Variants in ZNF385D observed in about 807,000 individuals in gnomAD.
ZNF385D encodes the protein zinc finger protein 385D.
Under a neutral mutation model 35.8 loss-of-function variants are expected in ZNF385D, and 15 were observed. The ratio of observed to expected loss-of-function variants is 0.42; its 90% CI spans 0.28 to 0.64. ZNF385D has a LOEUF of 0.64. Among genes scored for constraint, ZNF385D ranks in the 30% least tolerant of loss-of-function variants. ZNF385D has a pLI of 0.23. For missense variants in ZNF385D, 474 were observed against 494.6 expected (o/e 0.96, Z 0.39); for synonymous variants, 212 against 186.8 (o/e 1.13, Z -1.10).
At chr3:21,727,844 A>G (rs2068831595) in intron 1 of ZNF385D, among the ~76,000 whole-genome samples, 1 of 152,226 alleles carries the variant, frequency 6.6e-6, no homozygotes, top group South Asian at 2.1e-4. Flanking sequence ...AAATCATTCA[A>G]CTATAAAGAC....
At chr3:22,162,014 T>C (rs1484058290) in intron 3 of ZNF385D, among the ~76,000 whole-genome samples, 1 of 152,158 alleles carries the variant, frequency 6.6e-6, no homozygotes, top group Non-Finnish European at 1.5e-5. Context: ...TAAGACTTTG[T>C]AAGACTGTTG....
chr3:21,514,831 G>A (rs1308502531), intron 3 of ZNF385D, among the ~76,000 whole-genome samples: 1 of 151,890 alleles, frequency 6.6e-6, no homozygotes, highest in Non-Finnish European at 1.5e-5. Context: ...TTTGTCTATA[G>A]TTTTTCTTTT....
chr3:22,123,962 C>CTATATATATATATATA (rs71044974), intron 3 of ZNF385D, among the ~76,000 whole-genome samples: 2 of 61,840 alleles, frequency 3.2e-5, no homozygotes, highest in Non-Finnish European at 3.1e-5. Flanking sequence ...CTCTCTCTCT[C>CTATATATATATATATA]TATATATATA....
chr3:22,008,135 T>C (rs936229567), intron 3 of ZNF385D, among the ~76,000 whole-genome samples: 2 of 152,114 alleles, frequency 1.3e-5, no homozygotes, highest in African/African-American at 4.8e-5. Context: ...TTTTAAACCA[T>C]CTTTATTTAG....
intron 3 of ZNF385D, among the ~76,000 whole-genome samples, chr3:22,033,136 G>A (rs550066162): frequency 2.2e-4 from 33 of 152,120 alleles, no homozygotes; most frequent in Non-Finnish European, 4.4e-4. Flanking sequence ...GCACAGTGGC[G>A]CACTCTTGTA....
intron 2 of ZNF385D, among the ~76,000 whole-genome samples, chr3:22,263,966 C>T (rs1175079467): frequency 2.0e-5 from 3 of 151,900 alleles, no homozygotes; most frequent in East Asian, 3.9e-4. Flanking sequence ...AAGGAATATT[C>T]CTAAACAGAA....
chr3:22,113,204 T>G (rs563297286), intron 3 of ZNF385D, among the ~76,000 whole-genome samples: 43 of 152,210 alleles, frequency 2.8e-4, no homozygotes, highest in Admixed American at 4.6e-4. Context: ...GCAGTTCAAG[T>G]GCTGCTATTT....
At chr3:22,253,328 G>A (rs1700156028) in intron 2 of ZNF385D, among the ~76,000 whole-genome samples, 1 of 151,910 alleles carries the variant, frequency 6.6e-6, no homozygotes, top group Non-Finnish European at 1.5e-5. Context: ...GAAACCATAA[G>A]GTTAGTTGCA....
intron 1 of ZNF385D, among the ~76,000 whole-genome samples, chr3:21,710,965 T>C (rs1008604767): frequency 9.9e-5 from 15 of 151,670 alleles, no homozygotes; most frequent in Non-Finnish European, 7.4e-5. Context: ...TTCCTTCCTC[T>C]ATCATAGCGA....
intron 3 of ZNF385D, among the ~76,000 whole-genome samples, chr3:21,896,965 G>C (rs1228335889): frequency 1.3e-5 from 2 of 152,086 alleles, no homozygotes; most frequent in African/African-American, 4.8e-5. Context: ...TCTGATGGCT[G>C]TGTTTGTAGG....
chr3:22,310,468 G>C lies in ZNF385D; in HGVS notation c.106+61982C>G, dbSNP rs527626426. 3.7e-3 allele frequency among the ~76,000 whole-genome samples: 560 copies of C among 151,946 alleles called. 4 individuals carry two copies. The highest frequency in any genetic ancestry group is 0.011 in the African/African-American group (475 of 41,490). On this transcript the variant is annotated intron_variant, in intron 2 of 5. Coordinates refer to the ZNF385D transcript ENST00000494108. ...TATATCCAACTCACTGTCAGTTTTA[G>C]AACATTTATGCTATATCCAGGTTTT...
intron 2 of ZNF385D, among the ~76,000 whole-genome samples, chr3:21,570,537 G>T (rs1283645860): frequency 6.6e-6 from 1 of 152,156 alleles, no homozygotes; most frequent in Non-Finnish European, 1.5e-5. Context: ...TAAATGCTAG[G>T]AAGTTTAGAA....
chr3:21,681,298 T>TAAAAAAAAAAAAAA (rs55872870), intron 1 of ZNF385D, among the ~76,000 whole-genome samples: 6 of 64,474 alleles, frequency 9.3e-5, no homozygotes, highest in African/African-American at 3.4e-4. Flanking sequence ...ATTCCATCAG[T>TAAAAAAAAAAAAAA]AAAAAAAAAA....
intron 3 of ZNF385D, among the ~76,000 whole-genome samples, chr3:21,956,463 C>T (rs987256287): frequency 2.0e-5 from 3 of 151,958 alleles, no homozygotes; most frequent in Non-Finnish European, 2.9e-5. Flanking sequence ...TGACACTCTA[C>T]AGTGATCTAA....
intron 2 of ZNF385D, among the ~76,000 whole-genome samples, chr3:22,244,486 T>C (rs1699670338): frequency 6.6e-6 from 1 of 150,692 alleles, no homozygotes; most frequent in African/African-American, 2.5e-5. Flanking sequence ...TTTTGTTACT[T>C]AAATAATATT....
chr3:22,265,722 G>A (rs139319933), intron 2 of ZNF385D, among the ~76,000 whole-genome samples: 1,718 of 151,920 alleles, frequency 0.011, 47 homozygotes, highest in South Asian at 0.058. Context: ...ACCTTCCTGG[G>A]CCTCCCGGAC....
intron 1 of ZNF385D, among the ~76,000 whole-genome samples, chr3:21,749,956 T>A (rs996103740): frequency 1.6e-5 from 2 of 125,104 alleles, no homozygotes; most frequent in African/African-American, 6.2e-5. Context: ...ATTTGCATCT[T>A]GGATACATTT....
chr3:21,665,810 A>AG lies in ZNF385D; in HGVS notation c.23-783dup, dbSNP rs546224994. On this transcript the variant is annotated intron_variant, in intron 1 of 7. Transcript: ENST00000281523. ...GTTATAGGACTCTGCCACACTCAGG[A>AG]GCTGGAAGGATGGAAGCCCATCTTT... is the stretch of plus-strand genomic sequence containing the variant. Among the ~76,000 whole-genome samples, 93 of 152,316 alleles carry AG rather than the reference A, an allele frequency of 6.1e-4. 2 individuals carry two copies. The South Asian group carries it at 0.018, about 30-fold the overall frequency.
At chr3:22,025,940 CAAGGTGG>C (rs569821856) in intron 3 of ZNF385D, among the ~76,000 whole-genome samples, 2,672 of 152,238 alleles carry the variant, frequency 0.018, 33 homozygotes, top group Non-Finnish European at 0.025. Flanking sequence ...AATTGGATCT[CAAGGTGG>C]CAGGGGCCAA....
Sources: allele counts gnomAD v4.1 joint callset (sites outside exome capture counted in the v4.1 genomes callset), GRCh38; gene constraint gnomAD v4.1.1; transcripts MANE v1.5; gene names NCBI Gene and HGNC (gene_info 2026-07-23, HGNC 2026-07-21).